The following C9orf153 variants were observed in gnomAD, a reference collection of about 807,000 sequenced individuals.
C9orf153 encodes uncharacterized protein C9orf153.
In C9orf153, 10 loss-of-function variants were observed where a neutral mutation model predicts 9.0. The observed-to-expected ratio is 1.11, with a 90% CI of 0.69 to 1.89. C9orf153 has a LOEUF of 1.89. C9orf153 is among the 40% of genes most tolerant of loss of function. The pLI, the probability that C9orf153 is intolerant of heterozygous loss-of-function variation, is 0.00. For missense variants in C9orf153, 108 were observed against 111.0 expected (o/e 0.97, Z 0.12); for synonymous variants, 35 against 37.3 (o/e 0.94, Z 0.23).
intron 1 of C9orf153, among the ~76,000 whole-genome samples, chr9:86,232,106 T>C (rs1824485310): frequency 6.6e-6 from 1 of 152,174 alleles, no homozygotes. Flanking sequence ...TCTCTATACA[T>C]GGAGTCAAAG....
chr9:86,244,043 C>G (rs1412341156), intron 1 of C9orf153, among the ~76,000 whole-genome samples: 1 of 152,192 alleles, frequency 6.6e-6, no homozygotes, highest in African/African-American at 2.4e-5. Context: ...ATGGTAGCCA[C>G]TAGCCAAATG....
In C9orf153 at chr9:86,229,630, C is replaced by A. The variant is rs1289209286; in HGVS notation, c.-26-1G>T. On this transcript the variant is annotated splice_acceptor_variant, in intron 1 of 3. Coordinates refer to ENST00000339137, the MANE Select transcript of C9orf153 (RefSeq NM_001276366.4). LOFTEE classifies it low-confidence loss of function (5UTR_SPLICE). ...GTGCTGGGATTTTATTCTCTAATTC[C>A]TAAAAAAAGCAATATGAGAAAAGAC... 1.9e-6 allele frequency: 3 copies of A among 1,561,842 alleles called. No homozygotes were observed. Among genetic ancestry groups the A allele is most frequent in the Non-Finnish European group, 2.6e-6 (3 of 1,137,146 alleles).
intron 1 of C9orf153, among the ~76,000 whole-genome samples, chr9:86,242,528 T>C (rs1341343743): frequency 6.6e-6 from 1 of 152,150 alleles, no homozygotes; most frequent in Admixed American, 6.5e-5. Context: ...TAATTAAAAA[T>C]GCTGAATATG....
intron 3 of C9orf153, among the ~76,000 whole-genome samples, chr9:86,223,797 G>A (rs558787736): frequency 6.6e-6 from 1 of 152,326 alleles, no homozygotes; most frequent in South Asian, 2.1e-4. Flanking sequence ...GGGTGAAGAT[G>A]TCTTTTGGAC....
At chr9:86,226,472 C>G (rs1003589440) in intron 3 of C9orf153, among the ~76,000 whole-genome samples, 1 of 152,046 alleles carries the variant, frequency 6.6e-6, no homozygotes, top group African/African-American at 2.4e-5. Context: ...CCGGTGCATG[C>G]TACCACACCT....
rs1362786537 is a variant in C9orf153 at position 86,220,881 on chromosome 9, T to C, written c.*807A>G. On this transcript the variant is annotated 3_prime_UTR_variant, in exon 4 of 4. Coordinates refer to ENST00000339137, the MANE Select transcript of C9orf153 (RefSeq NM_001276366.4). ...CTTATTTTTCTGTCTTACAGTGCTA[T>C]GATCTCTAAGCTTTTCAATGCTGTC... is the stretch of plus-strand genomic sequence containing the variant. 6.6e-6 allele frequency: 1 copy of C among 152,226 alleles called. No homozygotes were observed. Among genetic ancestry groups the C allele is most frequent in the Non-Finnish European group, 1.5e-5 (1 of 68,044 alleles). 9.4% of individuals were successfully genotyped at this position (152,226 alleles called of 1,614,324 possible). A position where few individuals can be genotyped will look rare whatever the true frequency, so the allele number is the denominator to read the frequency against.
chr9:86,239,764 T>C (rs968765977), intron 1 of C9orf153, among the ~76,000 whole-genome samples: 3 of 152,236 alleles, frequency 2.0e-5, no homozygotes, highest in African/African-American at 4.8e-5. Flanking sequence ...GTGAGTTTTA[T>C]CTTAGGTAAA....
intron 3 of C9orf153, among the ~76,000 whole-genome samples, chr9:86,224,065 G>C (rs1824265029): frequency 6.6e-6 from 1 of 151,926 alleles, no homozygotes; most frequent in Admixed American, 6.6e-5. Flanking sequence ...GGCCAACCTG[G>C]GCAACATAGC....
At chr9:86,256,245 G>A (rs1309732862) in intron 1 of C9orf153, among the ~76,000 whole-genome samples, 1 of 152,164 alleles carries the variant, frequency 6.6e-6, no homozygotes, top group Non-Finnish European at 1.5e-5. Context: ...CTGGAATCGT[G>A]AGCACTATGT....
chr9:86,253,151 G>A (rs532059751), intron 1 of C9orf153, among the ~76,000 whole-genome samples: 26 of 152,150 alleles, frequency 1.7e-4, no homozygotes, highest in Non-Finnish European at 3.5e-4. Flanking sequence ...ATAAGAACCC[G>A]TTTTCTTTTG....
chr9:86,239,203 G>C (rs1429870570), intron 1 of C9orf153, among the ~76,000 whole-genome samples: 1 of 151,770 alleles, frequency 6.6e-6, no homozygotes, highest in Non-Finnish European at 1.5e-5. Flanking sequence ...GGAGGTTGCG[G>C]TAAGCTGAGA....
At chr9:86,258,626 A>T (rs932367517) in intron 1 of C9orf153, 4 of 152,218 alleles carry the variant, frequency 2.6e-5, no homozygotes, top group African/African-American at 9.6e-5. Context: ...CAGATGTTGC[A>T]GCCAGATCAC....
intron 1 of C9orf153, among the ~76,000 whole-genome samples, chr9:86,252,693 G>A (rs768790098): frequency 6.6e-6 from 1 of 152,162 alleles, no homozygotes; most frequent in African/African-American, 2.4e-5. Context: ...GTATAAATGT[G>A]TTGTTACTAG....
At chr9:86,247,587 G>A (rs1266620992) in intron 1 of C9orf153, among the ~76,000 whole-genome samples, 1 of 152,126 alleles carries the variant, frequency 6.6e-6, no homozygotes. Flanking sequence ...GGCTAAGGTG[G>A]GAGGATCCAC....
intron 1 of C9orf153, among the ~76,000 whole-genome samples, chr9:86,250,275 C>G (rs1824966985): frequency 6.6e-6 from 1 of 152,114 alleles, no homozygotes; most frequent in African/African-American, 2.4e-5. Flanking sequence ...AACTCAGGGA[C>G]AGGATTTGGA....
Position 86,257,734 on chromosome 9 carries a change from A to G in C9orf153, c.-27+1816T>C, listed in dbSNP as rs1158638356. Among the ~76,000 whole-genome samples the G allele has an allele frequency of 2.6e-5, 4 of 152,234 alleles. No individual in the cohort carries two copies. In the South Asian group the frequency reaches 8.3e-4, roughly 31 times the overall value. On this transcript the variant is annotated intron_variant, in intron 1 of 3. Transcript: ENST00000339137. ...GGGAATGCAATTTACTACTGCTGAT[A>G]TAACAACCAGAACTGAAAATATGAC...
intron 1 of C9orf153, among the ~76,000 whole-genome samples, chr9:86,240,567 G>A (rs1002777987): frequency 1.3e-5 from 2 of 151,492 alleles, no homozygotes; most frequent in Non-Finnish European, 2.9e-5. Flanking sequence ...TAGGAGAGAC[G>A]GGGTTTCACC....
intron 1 of C9orf153, among the ~76,000 whole-genome samples, chr9:86,235,767 A>AG (rs1824572178): frequency 1.4e-5 from 2 of 145,920 alleles, no homozygotes; most frequent in African/African-American, 2.6e-5. Context: ...AAAAAAAAAA[A>AG]AGAGAGAGAG....
intron 1 of C9orf153, among the ~76,000 whole-genome samples, chr9:86,232,270 G>A (rs529856860): frequency 5.3e-5 from 8 of 152,230 alleles, no homozygotes; most frequent in Non-Finnish European, 1.2e-4. Flanking sequence ...TCCGAATGCT[G>A]AAACAGATCA....
Sources: gnomAD v4.1 joint callset for allele counts (sites outside exome capture counted in the v4.1 genomes callset) on GRCh38, gnomAD v4.1.1 for gene constraint, MANE v1.5 for transcripts, NCBI Gene and HGNC (gene_info 2026-07-23, HGNC 2026-07-21) for gene names.